PHACTR1: variants seen among roughly 807,000 people sequenced by gnomAD.
PHACTR1 encodes phosphatase and actin regulator 1.
In PHACTR1, 16 loss-of-function variants were observed where a neutral mutation model predicts 69.2. That is an observed-to-expected ratio of 0.23 (90% CI 0.16 to 0.35). PHACTR1 has a LOEUF of 0.35. Ranked by LOEUF, PHACTR1 falls within the 10% of genes least tolerant of loss-of-function variation. PHACTR1 has a pLI of 1.00. For missense variants in PHACTR1, 510 were observed against 734.7 expected (o/e 0.69, Z 3.54); for synonymous variants, 312 against 284.5 (o/e 1.10, Z -0.97).
intron 12 of PHACTR1, among the ~76,000 whole-genome samples, chr6:13,278,971 A>G (rs1779552798): frequency 1.3e-5 from 2 of 151,692 alleles, no homozygotes; most frequent in South Asian, 4.2e-4. Flanking sequence ...TCAAAAAAAA[A>G]AAAAAATTAC....
intron 4 of PHACTR1, among the ~76,000 whole-genome samples, chr6:12,793,039 A>G (rs922360748): frequency 1.3e-5 from 2 of 152,114 alleles, no homozygotes; most frequent in African/African-American, 4.8e-5. Flanking sequence ...TTTTCCCCCT[A>G]AAGACATGAT....
At chr6:13,218,924 A>AGAG (rs1768170558) in intron 8 of PHACTR1, among the ~76,000 whole-genome samples, 1 of 151,150 alleles carries the variant, frequency 6.6e-6, no homozygotes, top group African/African-American at 2.4e-5. Flanking sequence ...AAAAGGTAGA[A>AGAG]AAAGGGAAAG....
rs539111608 is a variant in PHACTR1, at chr6:13,025,112, G to A, written c.251-28253G>A. 6.6e-5 allele frequency among the ~76,000 whole-genome samples: 10 copies of A among 152,088 alleles called. No homozygotes were observed. The East Asian group carries it at 1.2e-3, about 18-fold the overall frequency. ...CACTACAAAAATACAAAAATTAGCC[G>A]GGCATGGTGGTGCGTGCCTATAGTC... On this transcript the variant is annotated intron_variant, in intron 4 of 14. Transcript: ENST00000332995.
rs2127468215 is a variant in PHACTR1 at position 13,278,293 on chromosome 6, G to A, written c.1473G>A (p.Glu491=). 9.4e-6 allele frequency: 15 copies of A among 1,599,688 alleles called. No homozygotes were observed. Among genetic ancestry groups the A allele is most frequent in the Non-Finnish European group, 1.3e-5 (15 of 1,172,952 alleles). ...CTCGGAATGAACAAGAGGAACAGGA[G>A]GAGAAGAGAGAGATCAAGAGGAGGC... ...LKPRNEQEEQ[E]EKREIKRRLT... is the part of the protein sequence containing the mutation. The change falls in exon 12 of 15, where the codon GAG becomes GAA. Residue 491 remains glutamate, a synonymous_variant. Coordinates refer to ENST00000332995, the MANE Select transcript of PHACTR1 (RefSeq NM_030948.6).
intron 4 of PHACTR1, among the ~76,000 whole-genome samples, chr6:12,973,943 T>C (rs1008871894): frequency 1.7e-5 from 2 of 120,870 alleles, no homozygotes; most frequent in Admixed American, 8.4e-5. Flanking sequence ...TTTTTTTGAG[T>C]TGGAGTCTCG....
intron 5 of PHACTR1, among the ~76,000 whole-genome samples, chr6:13,090,451 G>A (rs770809059): frequency 6.6e-5 from 10 of 151,666 alleles, no homozygotes; most frequent in Non-Finnish European, 1.5e-4. Context: ...TCAGCCTCCC[G>A]AGTAGCTGGG....
Position 13,063,508 on chromosome 6 carries a change from T to G in PHACTR1, c.415+9979T>G, listed in dbSNP as rs527607882. On this transcript the variant is annotated intron_variant, in intron 5 of 14. Coordinates refer to ENST00000332995, the MANE Select transcript of PHACTR1 (RefSeq NM_030948.6). ...AGAAATTATGTCCAGTCACGGTGAC[T>G]CATGCCTGTAATCCCAGCACTTTGG... 2.6e-5 allele frequency among the ~76,000 whole-genome samples: 4 copies of G among 152,162 alleles called. No homozygotes were observed. In the East Asian group the frequency reaches 7.7e-4, roughly 29 times the overall value.
At chr6:13,254,271 G>T (rs1222970105) in intron 10 of PHACTR1, among the ~76,000 whole-genome samples, 1 of 152,070 alleles carries the variant, frequency 6.6e-6, no homozygotes, top group Non-Finnish European at 1.5e-5. Flanking sequence ...AAAACCAACT[G>T]GGGTATCCCA....
intron 6 of PHACTR1, among the ~76,000 whole-genome samples, chr6:13,161,306 G>C (rs570057821): frequency 2.0e-5 from 3 of 152,188 alleles, no homozygotes; most frequent in African/African-American, 7.2e-5. Context: ...ACTTGCATGC[G>C]TGCACCTTCT....
chr6:13,263,813 G>C (rs921842107), intron 10 of PHACTR1, among the ~76,000 whole-genome samples: 1 of 152,200 alleles, frequency 6.6e-6, no homozygotes, highest in African/African-American at 2.4e-5. Context: ...TTGATTCTTG[G>C]AGTTAGCAGC....
intron 5 of PHACTR1, among the ~76,000 whole-genome samples, chr6:13,156,710 C>T (rs570561769): frequency 6.6e-6 from 1 of 152,300 alleles, no homozygotes; most frequent in South Asian, 2.1e-4. Flanking sequence ...TGTCATGCAT[C>T]CTCCAACCCC....
intron 10 of PHACTR1, 79 bp from the exon 11 acceptor site, chr6:13,272,781 A>G: frequency 6.2e-7 from 1 of 1,613,924 alleles, no homozygotes. Flanking sequence ...TGTCTCATGT[A>G]TCTGCAAGGG....
At chr6:13,124,745 C>G (rs1819259110) in intron 5 of PHACTR1, among the ~76,000 whole-genome samples, 1 of 152,210 alleles carries the variant, frequency 6.6e-6, no homozygotes, top group Non-Finnish European at 1.5e-5. Context: ...CTGGTAAGGG[C>G]TCTCTCTTTG....
intron 10 of PHACTR1, among the ~76,000 whole-genome samples, chr6:13,239,504 G>A (rs764160314): frequency 2.0e-5 from 3 of 152,122 alleles, no homozygotes; most frequent in South Asian, 2.1e-4. Context: ...CCACATGTTC[G>A]CTGGGGCTTA....
Position 12,744,871 on chromosome 6 carries a change from T to C in PHACTR1, c.104-4773T>C, listed in dbSNP as rs561187454. ...CAATTTTATTCTTGCCTTCCAATCA[T>C]TATATCTCTGGAATTTTTTTTTACT... On this transcript the variant is annotated intron_variant, in intron 3 of 14. Coordinates refer to ENST00000332995, the MANE Select transcript of PHACTR1 (RefSeq NM_030948.6). Among the ~76,000 whole-genome samples the C allele has an allele frequency of 1.6e-4, 24 of 152,282 alleles. No individual in the cohort carries two copies. The South Asian group carries it at 4.8e-3, about 30-fold the overall frequency.
intron 12 of PHACTR1, chr6:13,279,313 T>G (rs570683549): frequency 6.6e-6 from 1 of 151,838 alleles, no homozygotes; most frequent in South Asian, 2.1e-4. Flanking sequence ...CTGAAAAGTT[T>G]AATTAATTGA....
chr6:12,800,648 G>T (rs1406838998), intron 4 of PHACTR1, among the ~76,000 whole-genome samples: 1 of 152,146 alleles, frequency 6.6e-6, no homozygotes, highest in Non-Finnish European at 1.5e-5. Flanking sequence ...TACTATGGGA[G>T]GCCAAGGAGG....
intron 10 of PHACTR1, among the ~76,000 whole-genome samples, chr6:13,240,427 TTG>T (rs1491005889): frequency 3.3e-5 from 5 of 151,350 alleles, no homozygotes; most frequent in African/African-American, 1.2e-4. Context: ...GGGTTTTTTT[TTG>T]TTGTTGTTTT....
At chr6:12,725,618 A>C (rs577848153) in intron 3 of PHACTR1, among the ~76,000 whole-genome samples, 1 of 152,334 alleles carries the variant, frequency 6.6e-6, no homozygotes, top group South Asian at 2.1e-4. Context: ...CTGAATCCGC[A>C]GGAGACTTTG....
Sources: gnomAD v4.1 joint callset for allele counts (sites outside exome capture counted in the v4.1 genomes callset) on GRCh38, gnomAD v4.1.1 for gene constraint, MANE v1.5 for transcripts, NCBI Gene and HGNC (gene_info 2026-07-23, HGNC 2026-07-21) for gene names.